PHLDB2: variants seen among roughly 807,000 people sequenced by gnomAD.
PHLDB2 encodes pleckstrin homology-like domain family B member 2.
A neutral mutation model predicts 123.6 loss-of-function variants in PHLDB2; 71 were observed. That is an observed-to-expected ratio of 0.57 (90% CI 0.47 to 0.70). PHLDB2 has a LOEUF of 0.70. Among genes scored for constraint, PHLDB2 ranks in the 30% least tolerant of loss-of-function variants. The probability of loss-of-function intolerance (pLI) is 0.00; values close to 1 mark genes in which losing one functional copy is unlikely to be tolerated. For synonymous variants in PHLDB2, 547 were observed against 541.6 expected (o/e 1.01, Z -0.14); for missense variants, 1,446 against 1,519.5 (o/e 0.95, Z 0.80).
chr3:111,936,494 T>C (rs948295898), intron 6 of PHLDB2, among the ~76,000 whole-genome samples: 1 of 152,244 alleles, frequency 6.6e-6, no homozygotes, highest in Non-Finnish European at 1.5e-5. Flanking sequence ...AAGATGTAAG[T>C]TTATATACAC....
At chr3:111,778,660 A>G (rs1386723699) in intron 1 of PHLDB2, among the ~76,000 whole-genome samples, 1 of 152,026 alleles carries the variant, frequency 6.6e-6, no homozygotes, top group Non-Finnish European at 1.5e-5. Flanking sequence ...CTCATGTAAA[A>G]TGTGCTTCAA....
intron 1 of PHLDB2, among the ~76,000 whole-genome samples, chr3:111,798,530 C>T (rs919187049): frequency 5.3e-5 from 8 of 151,674 alleles, no homozygotes; most frequent in Admixed American, 1.3e-4. Flanking sequence ...AAAATATTTT[C>T]AGTCAGGTGC....
chr3:111,954,637 G>C (rs1467181334), intron 12 of PHLDB2, among the ~76,000 whole-genome samples: 1 of 152,098 alleles, frequency 6.6e-6, no homozygotes, highest in Non-Finnish European at 1.5e-5. Context: ...GTAGTTCCAG[G>C]GCTAAGCTTC....
rs533546659 is a variant in PHLDB2 at position 111,805,710 on chromosome 3, A to T, written c.-48-40111A>T. 1.7e-3 allele frequency among the ~76,000 whole-genome samples: 253 copies of T among 149,796 alleles called. 3 individuals are homozygous for T. The highest frequency in any genetic ancestry group is 3.2e-3 in the Non-Finnish European group (215 of 67,982). ...GCTAGTAAAGACAAATCTAATCTATAGTGACAGAAAGCAGGTCAGTGGTGC... is the reference window on the plus strand; with the variant it reads ...GCTAGTAAAGACAAATCTAATCTATTGTGACAGAAAGCAGGTCAGTGGTGC... On this transcript the variant is annotated intron_variant, in intron 1 of 17. Transcript: ENST00000393923.
At chr3:111,969,953 C>A (rs767157529) in intron 16 of PHLDB2, 44 bp downstream of exon 16, 46 of 1,579,882 alleles carry the variant, frequency 2.9e-5, no homozygotes, top group Non-Finnish European at 4.0e-5. Context: ...AAATCAAGAA[C>A]CCCCTGTTAA....
chr3:111,892,491 T>G (rs1316914018), intron 2 of PHLDB2, among the ~76,000 whole-genome samples: 1 of 152,226 alleles, frequency 6.6e-6, no homozygotes, highest in East Asian at 1.9e-4. Flanking sequence ...TGACATTTAT[T>G]CTGGGTTTCC....
chr3:111,940,897 T>A (rs1231094218), intron 8 of PHLDB2, among the ~76,000 whole-genome samples: 1 of 152,202 alleles, frequency 6.6e-6, no homozygotes, highest in Non-Finnish European at 1.5e-5. Context: ...CGATGGAAAG[T>A]CTGTATTTTT....
At chr3:111,913,824 T>A in intron 3 of PHLDB2, 122 bp downstream of exon 3, 1 of 1,317,348 alleles carries the variant, frequency 7.6e-7, no homozygotes, top group Non-Finnish European at 1.0e-6. Context: ...AATTTCAATT[T>A]AAGAGGTCAT....
At chr3:111,772,282 G>A (rs1576553459) in intron 1 of PHLDB2, among the ~76,000 whole-genome samples, 1 of 152,010 alleles carries the variant, frequency 6.6e-6, no homozygotes, top group African/African-American at 2.4e-5. Flanking sequence ...CCTTGGAAAA[G>A]TTCTACAAGT....
intron 1 of PHLDB2, among the ~76,000 whole-genome samples, chr3:111,864,033 C>T (rs1332876529): frequency 1.3e-5 from 2 of 152,184 alleles, no homozygotes; most frequent in Middle Eastern, 3.4e-3. Flanking sequence ...TTTAGTATGC[C>T]TTTGGTGGGA....
intron 5 of PHLDB2, among the ~76,000 whole-genome samples, chr3:111,931,620 C>G (rs9860202): frequency 0.073 from 11,091 of 152,226 alleles, 573 homozygotes; most frequent in East Asian, 0.19. Context: ...CCTATGCCTT[C>G]CCTTCACTGC....
At chr3:111,953,610 T>C (rs2070847457) in intron 11 of PHLDB2, among the ~76,000 whole-genome samples, 1 of 152,228 alleles carries the variant, frequency 6.6e-6, no homozygotes, top group South Asian at 2.1e-4. Flanking sequence ...TTCTTGGCCC[T>C]GCATCTGCCC....
chr3:111,793,213 C>T (rs1055811928), intron 1 of PHLDB2, among the ~76,000 whole-genome samples: 45 of 152,192 alleles, frequency 3.0e-4, no homozygotes, highest in Admixed American at 6.5e-4. Context: ...ACCTGGCGCT[C>T]TATTCTACTG....
chr3:111,901,731 T>G (rs1159570702), intron 2 of PHLDB2, among the ~76,000 whole-genome samples: 2 of 152,198 alleles, frequency 1.3e-5, no homozygotes, highest in Non-Finnish European at 2.9e-5. Context: ...TAGATTTTGT[T>G]GTGTTTTCTT....
intron 1 of PHLDB2, among the ~76,000 whole-genome samples, chr3:111,801,286 A>T (rs2061368065): frequency 6.6e-6 from 1 of 152,158 alleles, no homozygotes; most frequent in Non-Finnish European, 1.5e-5. Flanking sequence ...GAAATAACCC[A>T]CAGTCCTGGG....
intron 1 of PHLDB2, among the ~76,000 whole-genome samples, chr3:111,784,299 A>G (rs2060598465): frequency 6.6e-6 from 1 of 152,224 alleles, no homozygotes; most frequent in Non-Finnish European, 1.5e-5. Context: ...TGTAAATGTG[A>G]TAGTCATTAG....
At chr3:111,921,455 T>A (rs1251740155) in intron 5 of PHLDB2, among the ~76,000 whole-genome samples, 1 of 152,182 alleles carries the variant, frequency 6.6e-6, no homozygotes, top group East Asian at 1.9e-4. Context: ...GGGCATTTGA[T>A]CTTGGTGCCA....
chr3:111,885,824 A>C (rs575305141), intron 2 of PHLDB2: 9 of 548,446 alleles, frequency 1.6e-5, no homozygotes, highest in Non-Finnish European at 2.9e-5. Context: ...ATCATGACTC[A>C]CCAAGAATTA....
chr3:111,864,577 G>A (rs1006823725), intron 1 of PHLDB2, among the ~76,000 whole-genome samples: 12 of 152,322 alleles, frequency 7.9e-5, no homozygotes, highest in Admixed American at 3.9e-4. Flanking sequence ...GTCTATAGCA[G>A]CTAGTGGTCA....
Sources: gnomAD v4.1 joint callset for allele counts (sites outside exome capture counted in the v4.1 genomes callset) on GRCh38, gnomAD v4.1.1 for gene constraint, MANE v1.5 for transcripts, NCBI Gene and HGNC (gene_info 2026-07-23, HGNC 2026-07-21) for gene names.